LANCL1: variants seen among roughly 807,000 people sequenced by gnomAD.
LANCL1 encodes the protein LanC like glutathione S-transferase 1, also known as glutathione S-transferase LANCL1.
A neutral mutation model predicts 50.6 loss-of-function variants in LANCL1; 50 were observed. The ratio of observed to expected loss-of-function variants is 0.99; its 90% CI spans 0.79 to 1.25. The LOEUF is 1.25. LANCL1 is among the 50% of genes most tolerant of loss of function. The pLI, the probability that LANCL1 is intolerant of heterozygous loss-of-function variation, is 0.00. For synonymous variants in LANCL1, 188 were observed against 178.6 expected (o/e 1.05, Z -0.42); for missense variants, 532 against 480.7 (o/e 1.11, Z -1.00).
intron 3 of LANCL1, among the ~76,000 whole-genome samples, chr2:210,465,027 G>T (rs534765526): frequency 1.3e-5 from 2 of 151,560 alleles, no homozygotes; most frequent in Non-Finnish European, 2.9e-5. Context: ...GCCACCTGCA[G>T]TCAAGAGAGA....
chr2:210,454,261 C>T (rs987094682), intron 4 of LANCL1, among the ~76,000 whole-genome samples: 4 of 139,822 alleles, frequency 2.9e-5, no homozygotes, highest in Admixed American at 7.3e-5. Context: ...CACACACACA[C>T]GCCTAAACAA....
chr2:210,436,441 T>C, intron 7 of LANCL1, 49 bp from the exon 8 acceptor site: 1 of 1,537,886 alleles, frequency 6.5e-7, no homozygotes, highest in Non-Finnish European at 9.0e-7. Context: ...AAAAGAAAGT[T>C]CCATTGATAT....
chr2:210,465,438 T>C (rs921557225), intron 3 of LANCL1, among the ~76,000 whole-genome samples: 1 of 152,210 alleles, frequency 6.6e-6, no homozygotes, highest in Non-Finnish European at 1.5e-5. Flanking sequence ...GCAGCTGCAG[T>C]TGCCTGCCAT....
At chr2:210,466,060 A>C (rs1472972446) in intron 3 of LANCL1, among the ~76,000 whole-genome samples, 1 of 152,236 alleles carries the variant, frequency 6.6e-6, no homozygotes, top group Non-Finnish European at 1.5e-5. Flanking sequence ...TTGGTTGTAC[A>C]GGAAAGCTTG....
chr2:210,446,571 C>T (rs557304171), intron 4 of LANCL1, among the ~76,000 whole-genome samples: 52 of 151,934 alleles, frequency 3.4e-4, no homozygotes, highest in African/African-American at 1.2e-3. Flanking sequence ...GCTAAAGGAG[C>T]ATGTTCTAAC....
intron 7 of LANCL1, among the ~76,000 whole-genome samples, chr2:210,437,420 G>T (rs1692970828): frequency 6.6e-6 from 1 of 152,046 alleles, no homozygotes; most frequent in African/African-American, 2.4e-5. Context: ...GTTCTTTCGA[G>T]TACACACCTA....
chr2:210,465,038 T>A (rs1694005259), intron 3 of LANCL1, among the ~76,000 whole-genome samples: 1 of 151,410 alleles, frequency 6.6e-6, no homozygotes, highest in Non-Finnish European at 1.5e-5. Flanking sequence ...TCAAGAGAGA[T>A]GTCAAAAAAT....
At chr2:210,477,442 A>G (rs371864677), upstream of LANCL1, 10 of 1,041,836 alleles carry the variant, frequency 9.6e-6, no homozygotes, top group Non-Finnish European at 1.1e-5. Flanking sequence ...TTTAAAATTA[A>G]ATCCCACCTG....
rs546684017 is a variant in LANCL1, at chr2:210,434,234, A to G, written c.*253T>C. On this transcript the variant is annotated 3_prime_UTR_variant, in exon 10 of 10. Coordinates refer to ENST00000450366, the MANE Select transcript of LANCL1 (RefSeq NM_006055.3). ...TGGAATATATGTATACAATCTCAAA[A>G]CACTGTACATATCACTCACTCTCCC... 21 of 401,700 alleles carry G rather than the reference A, an allele frequency of 5.2e-5. No individual in the cohort carries two copies. Among genetic ancestry groups the G allele is most frequent in the Non-Finnish European group, 8.5e-5 (19 of 224,400 alleles). 24.9% of individuals were successfully genotyped at this position (401,700 alleles called of 1,614,324 possible). A position where few individuals can be genotyped will look rare whatever the true frequency, so the allele number is the denominator to read the frequency against.
chr2:210,445,402 C>T (rs934328465), intron 4 of LANCL1, among the ~76,000 whole-genome samples: 1 of 152,124 alleles, frequency 6.6e-6, no homozygotes, highest in Admixed American at 6.5e-5. Flanking sequence ...AAATACCTTT[C>T]AAATATTTAT....
At chr2:210,463,245 T>G (rs971932839) in intron 3 of LANCL1, among the ~76,000 whole-genome samples, 1 of 152,076 alleles carries the variant, frequency 6.6e-6, no homozygotes, top group Admixed American at 6.5e-5. Flanking sequence ...CAGTCTCCCT[T>G]TGTTGCTCAG....
rs753814727 is a variant in LANCL1 at position 210,441,386 on chromosome 2, T to G, written c.465A>C (p.Arg155=). Residue 155 remains arginine (R), a synonymous_variant, in exon 5 of 10, where the codon CGA becomes CGC. Transcript: ENST00000450366. ...AAAGAAGAGCATAGATGTAGCCTATTCGCCCATAGAGCATTTCATTTGGAG... is the reference window on the plus strand; with the variant it reads ...AAAGAAGAGCATAGATGTAGCCTATGCGCCCATAGAGCATTTCATTTGGAG... ...PHAPNEMLYG[R]IGYIYALLFV... is the part of the protein sequence containing the mutation. 2.0e-5 allele frequency: 32 copies of G among 1,612,996 alleles called. No homozygotes were observed. The highest frequency in any genetic ancestry group is 2.6e-5 in the Non-Finnish European group (31 of 1,179,364).
chr2:210,438,143 T>G (rs1693002539), intron 6 of LANCL1, among the ~76,000 whole-genome samples: 1 of 149,588 alleles, frequency 6.7e-6, no homozygotes, highest in Non-Finnish European at 1.5e-5. Flanking sequence ...CTTTTTTTTT[T>G]TTTTTTTTGA....
chr2:210,440,883 T>A, intron 5 of LANCL1, 139 bp from the exon 6 acceptor site: 2 of 727,574 alleles, frequency 2.7e-6, no homozygotes, highest in Non-Finnish European at 4.5e-6. Flanking sequence ...AGGCACAGTT[T>A]AATTCTCCAT....
intron 6 of LANCL1, among the ~76,000 whole-genome samples, chr2:210,439,002 A>G (rs1025814948): frequency 2.0e-5 from 3 of 152,152 alleles, no homozygotes; most frequent in African/African-American, 4.8e-5. Flanking sequence ...AATGCTGACA[A>G]TATGACTTCC....
intron 6 of LANCL1, 111 bp downstream of exon 6, chr2:210,440,487 A>G: frequency 9.9e-7 from 1 of 1,010,580 alleles, no homozygotes. Context: ...GAGTACTGTA[A>G]TGCAGTGGTT....
In LANCL1 at chr2:210,440,624, C is replaced by T; in HGVS notation, c.664G>A (p.Ala222Thr). 6.2e-7 allele frequency: 1 copy of T among 1,612,642 alleles called. No individual in the cohort carries two copies. The highest frequency in any genetic ancestry group is 2.2e-5 in the East Asian group (1 of 44,850). ...TGCATCAGGTAGTAATAAATTCCAG[C>T]CAGGCCATGAGCAGCCCCTACATAA... ...EYYVGAAHGL[A>T]GIYYYLMQPS... Residue 222 changes from alanine (A) to threonine (T), a missense_variant, in exon 6 of 10, where the codon GCT (alanine) becomes ACT (threonine). Ala to Thr is a moderately conservative substitution (Grantham distance 58). Transcript: ENST00000450366.
chr2:210,459,892 G>A (rs73984618), intron 3 of LANCL1, among the ~76,000 whole-genome samples: 4,473 of 151,838 alleles, frequency 0.029, 226 homozygotes, highest in African/African-American at 0.1. Context: ...GGATGGGAGG[G>A]TAAATTATTT....
chr2:210,455,313 ACCT>A lies in LANCL1; in HGVS notation c.200-2_200del. ...AAAGATGTAAGTAAAGCACAGCAAT[ACCT>A]GAAAAAAAAAAAAGGAAACAATGTA... On this transcript the variant is annotated splice_acceptor_variant and coding_sequence_variant, in exon 4 of 10. Coordinates refer to ENST00000450366, the MANE Select transcript of LANCL1 (RefSeq NM_006055.3). LOFTEE classifies it high-confidence loss of function. 7.3e-7 allele frequency: 1 copy of A among 1,366,356 alleles called. No homozygotes were observed. Among genetic ancestry groups the A allele is most frequent in the African/African-American group, 2.2e-5 (1 of 45,650 alleles). The allele number at this position is 1,366,356 out of a possible 1,614,324, so 84.6% of individuals were successfully genotyped here. A position where few individuals can be genotyped will look rare whatever the true frequency, so the allele number is the denominator to read the frequency against.
Sources: gnomAD v4.1 joint callset for allele counts (sites outside exome capture counted in the v4.1 genomes callset) on GRCh38, gnomAD v4.1.1 for gene constraint, MANE v1.5 for transcripts, NCBI Gene and HGNC (gene_info 2026-07-23, HGNC 2026-07-21) for gene names.